LRCH1: variants seen among roughly 807,000 people sequenced by gnomAD.
LRCH1 encodes the protein leucine rich repeats and calponin homology domain containing 1.
A neutral mutation model predicts 94.9 loss-of-function variants in LRCH1; 23 were observed. The observed-to-expected ratio is 0.24, with a 90% CI of 0.17 to 0.34. The LOEUF (loss-of-function observed/expected upper bound fraction) is 0.34, where lower values mean the gene tolerates loss of function less well. Ranked by LOEUF, LRCH1 falls within the 10% of genes least tolerant of loss-of-function variation. The pLI, the probability that LRCH1 is intolerant of heterozygous loss-of-function variation, is 1.00. For synonymous variants in LRCH1, 364 were observed against 354.9 expected, an observed-to-expected ratio of 1.03 and a Z score of -0.29; for missense variants, 790 against 945.9, an observed-to-expected ratio of 0.84 and a Z score of 2.16.
At chr13:46,729,796 A>G (rs1873011105) in intron 18 of LRCH1, among the ~76,000 whole-genome samples, 1 of 152,188 alleles carries the variant, frequency 6.6e-6, no homozygotes, top group African/African-American at 2.4e-5. Flanking sequence ...GAAAAATACT[A>G]TGAATAACCT....
At chr13:46,573,151 ACTCT>A (rs988123494) in intron 1 of LRCH1, among the ~76,000 whole-genome samples, 1 of 151,742 alleles carries the variant, frequency 6.6e-6, no homozygotes, top group African/African-American at 2.4e-5. Flanking sequence ...CTTTATTGTC[ACTCT>A]CTCTTTCCAT....
chr13:46,567,189 C>T (rs1302602016), intron 1 of LRCH1, among the ~76,000 whole-genome samples: 3 of 152,106 alleles, frequency 2.0e-5, no homozygotes, highest in African/African-American at 7.2e-5. Flanking sequence ...TAGAACATTA[C>T]CTATAGAATA....
chr13:46,744,543 A>G lies in LRCH1; in HGVS notation c.*2695A>G. ...TGGGGCTGGTGGAAAGGGGCCCCGC[A>G]GAACTACAATGTATGATAATCGAGT... On this transcript the variant is annotated 3_prime_UTR_variant, in exon 20 of 20. Transcript: ENST00000389797. 1.0e-6 allele frequency: 1 copy of G among 985,450 alleles called. No individual in the cohort carries two copies. The highest frequency in any genetic ancestry group is 1.2e-6 in the Non-Finnish European group (1 of 829,938). The allele number at this position is 985,450 out of a possible 1,614,324, so 61.0% of individuals were successfully genotyped here.
intron 1 of LRCH1, among the ~76,000 whole-genome samples, chr13:46,608,906 A>G (rs970160901): frequency 1.3e-5 from 2 of 152,348 alleles, no homozygotes; most frequent in African/African-American, 4.8e-5. Flanking sequence ...GAAAATTGAC[A>G]GAACAAAATT....
At chr13:46,670,200 G>A (rs946994921) in intron 3 of LRCH1, among the ~76,000 whole-genome samples, 12 of 152,204 alleles carry the variant, frequency 7.9e-5, no homozygotes, top group African/African-American at 2.9e-4. Flanking sequence ...TATAGAAAGT[G>A]TCTTTTTCAT....
At chr13:46,738,466 C>T (rs1409288940) in intron 19 of LRCH1, among the ~76,000 whole-genome samples, 2 of 152,210 alleles carry the variant, frequency 1.3e-5, no homozygotes, top group African/African-American at 4.8e-5. Context: ...TCCCACTTTA[C>T]ACCTCTTGTG....
intron 1 of LRCH1, among the ~76,000 whole-genome samples, chr13:46,601,211 C>T (rs977621385): frequency 6.6e-6 from 1 of 152,098 alleles, no homozygotes; most frequent in Non-Finnish European, 1.5e-5. Flanking sequence ...CAGCATGATT[C>T]CTTGTGTGGA....
At chr13:46,592,054 G>A (rs760397961) in intron 1 of LRCH1, among the ~76,000 whole-genome samples, 1 of 152,152 alleles carries the variant, frequency 6.6e-6, no homozygotes. Context: ...ATCCAGCAAC[G>A]CATTCCGTAG....
intron 18 of LRCH1, among the ~76,000 whole-genome samples, chr13:46,733,248 T>A (rs918580745): frequency 1.3e-5 from 2 of 152,202 alleles, no homozygotes; most frequent in Non-Finnish European, 2.9e-5. Flanking sequence ...ATATGAAATG[T>A]GCCTGTTACC....
chr13:46,752,101 C>T (rs1292144220), exon 19 of LRCH1: 2 of 152,404 alleles, frequency 1.3e-5, no homozygotes, highest in African/African-American at 4.8e-5. Flanking sequence ...CAAAATAGGG[C>T]TAGAGAAGAA....
chr13:46,629,521 C>T (rs534740450), intron 1 of LRCH1, among the ~76,000 whole-genome samples: 3 of 152,250 alleles, frequency 2.0e-5, no homozygotes, highest in Admixed American at 1.3e-4. Flanking sequence ...TGTAACTCAG[C>T]CTTTGATTCT....
chr13:46,683,118 G>A (rs969920589), intron 4 of LRCH1, among the ~76,000 whole-genome samples: 20 of 152,208 alleles, frequency 1.3e-4, no homozygotes, highest in African/African-American at 4.8e-4. Context: ...AAACCCTGTA[G>A]TACTTGGAAA....
intron 1 of LRCH1, among the ~76,000 whole-genome samples, chr13:46,572,698 C>T (rs1053480290): frequency 1.3e-5 from 2 of 152,090 alleles, no homozygotes; most frequent in African/African-American, 2.4e-5. Flanking sequence ...GGTAATGAAA[C>T]ATTGCAAAGA....
chr13:46,738,577 A>G (rs974246939), intron 19 of LRCH1, among the ~76,000 whole-genome samples: 1 of 152,202 alleles, frequency 6.6e-6, no homozygotes, highest in East Asian at 1.9e-4. Flanking sequence ...CTTAAGAATA[A>G]GAGAAATGGG....
chr13:46,655,848 A>G lies in LRCH1; in HGVS notation c.452+5503A>G, dbSNP rs2051363646. ...TATAGTATTTGATCATATTGCTTCC[A>G]GAAGTCGTGGTGAGTGCTTTTACTT... On this transcript the variant is annotated intron_variant, in intron 2 of 19. Coordinates refer to ENST00000389797, the MANE Select transcript of LRCH1 (RefSeq NM_001164211.2). Among the ~76,000 whole-genome samples, 4 of 152,240 alleles carry G rather than the reference A, an allele frequency of 2.6e-5. No individual in the cohort carries two copies. The South Asian group carries it at 8.3e-4, about 31-fold the overall frequency.
chr13:46,600,842 AG>A (rs2050620326), intron 1 of LRCH1, among the ~76,000 whole-genome samples: 1 of 152,228 alleles, frequency 6.6e-6, no homozygotes, highest in African/African-American at 2.4e-5. Flanking sequence ...CTTTAGCAAC[AG>A]TCAGCTTTTC....
At chr13:46,644,011 C>A (rs1313312067) in intron 1 of LRCH1, among the ~76,000 whole-genome samples, 1 of 152,180 alleles carries the variant, frequency 6.6e-6, no homozygotes, top group African/African-American at 2.4e-5. Flanking sequence ...GTGAAGATTT[C>A]ATTGCTGTAT....
chr13:46,660,198 T>A (rs2051429520), intron 2 of LRCH1, among the ~76,000 whole-genome samples: 1 of 151,810 alleles, frequency 6.6e-6, no homozygotes, highest in African/African-American at 2.4e-5. Context: ...TTTTTTTTAG[T>A]AGAGACAGGG....
Position 46,701,185 on chromosome 13 carries a change from G to A in LRCH1, c.1378G>A (p.Asp460Asn). 1.9e-6 allele frequency: 3 copies of A among 1,613,578 alleles called. No homozygotes were observed. Among genetic ancestry groups the A allele is most frequent in the Non-Finnish European group, 2.5e-6 (3 of 1,179,510 alleles). Residue 460 changes from aspartate to asparagine, a missense_variant, in exon 11 of 20, where the codon GAT becomes AAT. Physicochemically the swap from Asp to Asn is conservative, Grantham distance 23. This residue lies in a region of LRCH1 where 460 missense variants were observed against 508.9 expected (regional missense o/e 0.90). Transcript: ENST00000389797. Reference protein sequence around the residue: ...AMIEQLREAVDLLQDPNGLST... With the variant: ...AMIEQLREAVNLLQDPNGLST... ...GATCGAGCAGCTGAGAGAAGCAGTAGATTTGCTGCAAGATCCCAATGGGTG... is the reference window on the plus strand; with the variant it reads ...GATCGAGCAGCTGAGAGAAGCAGTAAATTTGCTGCAAGATCCCAATGGGTG...
Sources: allele counts gnomAD v4.1 joint callset (sites outside exome capture counted in the v4.1 genomes callset), GRCh38; gene constraint gnomAD v4.1.1; regional missense constraint gnomAD v4.1.1; transcripts MANE v1.5; gene names NCBI Gene and HGNC (gene_info 2026-07-23, HGNC 2026-07-21).